The following RANBP17 variants were observed in gnomAD, a reference collection of about 807,000 sequenced individuals.
RANBP17 encodes the protein ran-binding protein 17.
A neutral mutation model predicts 141.2 loss-of-function variants in RANBP17; 158 were observed. The ratio of observed to expected loss-of-function variants is 1.12; its 90% CI spans 0.98 to 1.28. The LOEUF (loss-of-function observed/expected upper bound fraction) is 1.28, where lower values mean the gene tolerates loss of function less well. Among genes scored for constraint, RANBP17 ranks in the 50% most tolerant of loss-of-function variants. RANBP17 has a pLI of 0.00. For synonymous variants in RANBP17, 430 were observed against 450.0 expected, an observed-to-expected ratio of 0.96 and a Z score of 0.56; for missense variants, 1,438 against 1,290.7, an observed-to-expected ratio of 1.11 and a Z score of -1.75.
intron 22 of RANBP17, among the ~76,000 whole-genome samples, chr5:171,238,025 C>T (rs983033651): frequency 2.0e-5 from 3 of 152,128 alleles, no homozygotes; most frequent in Non-Finnish European, 4.4e-5. Flanking sequence ...AAATGGATAA[C>T]ATGGCCAAGC....
chr5:171,277,637 G>GTGTATATATATATA (rs1437482589), intron 25 of RANBP17, among the ~76,000 whole-genome samples: 7,265 of 56,710 alleles, frequency 0.13, 1,636 homozygotes, highest in Non-Finnish European at 0.15. Context: ...ATATATGTAT[G>GTGTATATATATATA]TATATATATA....
chr5:170,967,618 T>C (rs1274679134), intron 13 of RANBP17, among the ~76,000 whole-genome samples: 3 of 151,350 alleles, frequency 2.0e-5, no homozygotes, highest in Non-Finnish European at 4.4e-5. Context: ...CTAATAATAA[T>C]AGTTTTGAAT....
intron 25 of RANBP17, among the ~76,000 whole-genome samples, chr5:171,284,200 G>A (rs1768020767): frequency 6.6e-6 from 1 of 152,104 alleles, no homozygotes; most frequent in South Asian, 2.1e-4. Flanking sequence ...CATTGCCATA[G>A]CCACCTAAAC....
chr5:170,868,562 A>G (rs1047485890), intron 1 of RANBP17, among the ~76,000 whole-genome samples: 6 of 152,132 alleles, frequency 3.9e-5, no homozygotes, highest in African/African-American at 1.4e-4. Context: ...GTGAGCCGCC[A>G]TGCCTGGCCT....
At chr5:171,279,583 CAT>C (rs1418858297) in intron 25 of RANBP17, among the ~76,000 whole-genome samples, 1 of 152,168 alleles carries the variant, frequency 6.6e-6, no homozygotes, top group African/African-American at 2.4e-5. Context: ...TAGTTTCTAA[CAT>C]ATTCTTTTTG....
intron 14 of RANBP17, among the ~76,000 whole-genome samples, chr5:171,134,290 C>T (rs1757122018): frequency 6.6e-6 from 1 of 152,150 alleles, no homozygotes; most frequent in Non-Finnish European, 1.5e-5. Flanking sequence ...AGTTTGTTCA[C>T]ATTGTTTTTC....
At chr5:170,907,037 C>G (rs1467697100) in intron 5 of RANBP17, among the ~76,000 whole-genome samples, 1 of 151,868 alleles carries the variant, frequency 6.6e-6, no homozygotes, top group East Asian at 1.9e-4. Context: ...GTAGGGAGAT[C>G]TATAATGCAT....
chr5:171,058,073 T>C (rs1783529122), intron 14 of RANBP17, among the ~76,000 whole-genome samples: 1 of 152,150 alleles, frequency 6.6e-6, no homozygotes, highest in Non-Finnish European at 1.5e-5. Context: ...CAAATTCTCC[T>C]TCATAGGGAT....
chr5:171,090,360 T>A (rs1268687168), intron 14 of RANBP17, among the ~76,000 whole-genome samples: 2 of 152,190 alleles, frequency 1.3e-5, no homozygotes, highest in Admixed American at 6.5e-5. Context: ...TCGAGAGAGA[T>A]GATTTAGGCT....
chr5:171,000,208 T>C (rs1446010473), intron 14 of RANBP17, among the ~76,000 whole-genome samples: 2 of 152,210 alleles, frequency 1.3e-5, no homozygotes, highest in Non-Finnish European at 2.9e-5. Flanking sequence ...AATATGGATA[T>C]ACAAATATCT....
chr5:171,111,440 T>A (rs779756100), intron 14 of RANBP17, among the ~76,000 whole-genome samples: 1 of 152,200 alleles, frequency 6.6e-6, no homozygotes, highest in Non-Finnish European at 1.5e-5. Flanking sequence ...TTCAGACCTT[T>A]ATTTCCCATC....
Position 171,211,927 on chromosome 5 carries a change from T to G in RANBP17, c.2232-1704T>G, listed in dbSNP as rs181673578. 9.8e-5 allele frequency among the ~76,000 whole-genome samples: 15 copies of G among 152,342 alleles called. No homozygotes were observed. The East Asian group carries it at 2.1e-3, about 22-fold the overall frequency. On this transcript the variant is annotated intron_variant, in intron 20 of 27. Coordinates refer to ENST00000523189, the MANE Select transcript of RANBP17 (RefSeq NM_022897.5). ...TAATCAAATAAGCTACACTTCATTT[T>G]TAGGTTGCAAGTTTATAGCAACAAG...
At chr5:171,293,506 C>T (rs1031922666) in intron 25 of RANBP17, among the ~76,000 whole-genome samples, 3 of 152,196 alleles carry the variant, frequency 2.0e-5, no homozygotes, top group Non-Finnish European at 4.4e-5. Flanking sequence ...AACATAACCT[C>T]TTAGGTGAAA....
chr5:170,911,908 A>G (rs1477965190), intron 7 of RANBP17, among the ~76,000 whole-genome samples: 2 of 151,882 alleles, frequency 1.3e-5, no homozygotes, highest in East Asian at 1.9e-4. Flanking sequence ...ACGGGGTTTG[A>G]TAAAAAGTCT....
intron 26 of RANBP17, among the ~76,000 whole-genome samples, chr5:171,294,622 C>T (rs1768704757): frequency 6.6e-6 from 1 of 152,166 alleles, no homozygotes; most frequent in Admixed American, 6.5e-5. Context: ...AAACTAAAAT[C>T]CCAGCCTTGG....
At chr5:171,166,548 G>C (rs1759713041) in intron 14 of RANBP17, among the ~76,000 whole-genome samples, 1 of 151,732 alleles carries the variant, frequency 6.6e-6, no homozygotes, top group Non-Finnish European at 1.5e-5. Flanking sequence ...AATACAAGTT[G>C]TAGAAAGTGT....
chr5:171,101,359 C>T (rs1787149055), intron 14 of RANBP17, among the ~76,000 whole-genome samples: 10 of 152,182 alleles, frequency 6.6e-5, no homozygotes, highest in Admixed American at 6.5e-4. Flanking sequence ...TGATGCACTT[C>T]TTTGTCTTTG....
rs1367064995 is a variant in RANBP17 at position 171,299,630 on chromosome 5, G to T, written c.*772G>T. On this transcript the variant is annotated 3_prime_UTR_variant, in exon 28 of 28. Coordinates refer to ENST00000523189, the MANE Select transcript of RANBP17 (RefSeq NM_022897.5). ...GCCTCCATTTAATTTTTAAGAGAAG[G>T]TGAAGGTAACTATTAGAATATAATA... The T allele has an allele frequency of 4.3e-6, 1 of 230,552 alleles. No homozygotes were observed. Among genetic ancestry groups the T allele is most frequent in the African/African-American group, 2.2e-5 (1 of 45,196 alleles). The allele number at this position is 230,552 out of a possible 1,614,324, so 14.3% of individuals were successfully genotyped here.
At chr5:170,996,895 A>G (rs914700450) in intron 14 of RANBP17, among the ~76,000 whole-genome samples, 3 of 152,172 alleles carry the variant, frequency 2.0e-5, no homozygotes, top group Non-Finnish European at 4.4e-5. Context: ...TTTGACTCCA[A>G]ATCTTCAGTG....
Sources: gnomAD v4.1 joint callset for allele counts (sites outside exome capture counted in the v4.1 genomes callset) on GRCh38, gnomAD v4.1.1 for gene constraint, MANE v1.5 for transcripts, NCBI Gene and HGNC (gene_info 2026-07-23, HGNC 2026-07-21) for gene names.